The following SCUBE1 variants were observed in gnomAD, a reference collection of about 807,000 sequenced individuals.
SCUBE1 encodes signal peptide, CUB and EGF-like domain-containing protein 1.
A neutral mutation model predicts 124.4 loss-of-function variants in SCUBE1; 59 were observed. The ratio of observed to expected loss-of-function variants is 0.47; its 90% CI spans 0.38 to 0.59. The LOEUF (loss-of-function observed/expected upper bound fraction) is 0.59. Among genes scored for constraint, SCUBE1 ranks in the 20% least tolerant of loss-of-function variants. The pLI is 0.00. For synonymous variants in SCUBE1, 545 were observed against 550.9 expected (o/e 0.99, Z 0.15); for missense variants, 1,150 against 1,371.2 (o/e 0.84, Z 2.55).
chr22:43,227,866 A>G (rs149844520), intron 9 of SCUBE1, among the ~76,000 whole-genome samples: 1 of 152,290 alleles, frequency 6.6e-6, no homozygotes, highest in Non-Finnish European at 1.5e-5. Flanking sequence ...GACTCTGGAC[A>G]AGCCCTTTTC....
At chr22:43,229,359 T>C (rs1459604531) in intron 8 of SCUBE1, among the ~76,000 whole-genome samples, 171 bp from the exon 9 acceptor site, 1 of 152,176 alleles carries the variant, frequency 6.6e-6, no homozygotes, top group African/African-American at 2.4e-5. Flanking sequence ...CTGCTCGACT[T>C]TCCATTGTGT....
Position 43,198,297 on chromosome 22 carries a change from T to C in SCUBE1, c.*5700A>G, listed in dbSNP as rs938347525. The C allele has an allele frequency of 2.8e-5, 9 of 322,762 alleles. No homozygotes were observed. Among genetic ancestry groups the C allele is most frequent in the Non-Finnish European group, 4.9e-5 (8 of 161,756 alleles). 20.0% of individuals were successfully genotyped at this position (322,762 alleles called of 1,614,324 possible). A position where few individuals can be genotyped will look rare whatever the true frequency, so the allele number is the denominator to read the frequency against. ...GCTCACTCAGGGGCTCTGAGTGGCA[T>C]GGTGCAGCAGGGGACTGGAGAGGCC... is the stretch of plus-strand genomic sequence containing the variant. On this transcript the variant is annotated 3_prime_UTR_variant, in exon 22 of 22. Coordinates refer to ENST00000360835, the MANE Select transcript of SCUBE1 (RefSeq NM_173050.5).
rs1351436513 is a variant in SCUBE1 at position 43,218,292 on chromosome 22, T to C, written c.1854A>G (p.Ala618=). The part of the protein sequence containing the change: ...RPAKALEGQG[A]CGAGQVLQDS... ...CCTGTAGCACCTGGCCTGCGCCACA[T>C]GCCCCCTGCCCCTCCAGCGCCTTGG... Residue 618 remains alanine (A), a synonymous_variant, in exon 15 of 22, where the codon GCA becomes GCG. Transcript: ENST00000360835. The C allele has an allele frequency of 1.9e-6, 3 of 1,613,082 alleles. No homozygotes were observed. Among genetic ancestry groups the C allele is most frequent in the South Asian group, 2.2e-5 (2 of 91,086 alleles).
intron 7 of SCUBE1, chr22:43,238,064 C>T (rs938700869): frequency 1.3e-5 from 2 of 152,662 alleles, no homozygotes; most frequent in East Asian, 3.9e-4. Context: ...AGAGCCCACC[C>T]AGCTCTCCTC....
chr22:43,313,018 C>T (rs2146776836), intron 3 of SCUBE1, among the ~76,000 whole-genome samples: 1 of 152,266 alleles, frequency 6.6e-6, no homozygotes, highest in Middle Eastern at 3.4e-3. Flanking sequence ...TTGGGTAGGT[C>T]ACTTCCCCTC....
intron 14 of SCUBE1, 40 bp from the exon 15 acceptor site, chr22:43,218,498 C>T (rs745715507): frequency 6.3e-7 from 1 of 1,591,550 alleles, no homozygotes; most frequent in Admixed American, 1.7e-5. Flanking sequence ...TCGCTGGCAA[C>T]CTTGCTAGCC....
intron 4 of SCUBE1, among the ~76,000 whole-genome samples, chr22:43,272,890 TC>T (rs1161953859): frequency 6.6e-6 from 1 of 152,208 alleles, no homozygotes; most frequent in Non-Finnish European, 1.5e-5. Context: ...ACAGTGACTG[TC>T]CTGGGTCACG....
intron 4 of SCUBE1, among the ~76,000 whole-genome samples, chr22:43,266,280 C>T (rs77957164): frequency 2.2e-3 from 329 of 152,176 alleles, no homozygotes; most frequent in African/African-American, 7.4e-3. Context: ...GCTTCTGAGG[C>T]GCCTCCTCCC....
chr22:43,277,776 G>T (rs998880158), intron 4 of SCUBE1, among the ~76,000 whole-genome samples: 1 of 152,250 alleles, frequency 6.6e-6, no homozygotes, highest in Non-Finnish European at 1.5e-5. Context: ...TCTGGACCGG[G>T]CTCTACATGA....
rs530710902 is a variant in SCUBE1 at position 43,331,955 on chromosome 22, G to A, written c.220+7149C>T. ...GGTAGGAACAAGCTGGCAAGTTTGA[G>A]GAACTAAAAAAAGACAGTGAGGCTG... On this transcript the variant is annotated intron_variant, in intron 2 of 21. Transcript: ENST00000360835. 7.9e-5 allele frequency among the ~76,000 whole-genome samples: 12 copies of A among 152,256 alleles called. No homozygotes were observed. The South Asian group carries it at 2.3e-3, about 29-fold the overall frequency.
At chr22:43,232,348 G>A (rs1312215419) in intron 7 of SCUBE1, 2 of 162,532 alleles carry the variant, frequency 1.2e-5, no homozygotes, top group African/African-American at 2.4e-5. Context: ...GACAGGAAGT[G>A]CACCCATTTT....
At chr22:43,257,880 C>T (rs1184114116) in intron 6 of SCUBE1, among the ~76,000 whole-genome samples, 2 of 152,218 alleles carry the variant, frequency 1.3e-5, no homozygotes, top group Non-Finnish European at 2.9e-5. Context: ...ATACACCTCC[C>T]TTCTCCCCAC....
intron 6 of SCUBE1, among the ~76,000 whole-genome samples, chr22:43,252,636 G>C (rs1187379707): frequency 6.6e-6 from 1 of 152,184 alleles, no homozygotes; most frequent in African/African-American, 2.4e-5. Context: ...CACAGGCTCA[G>C]GATCTACTGG....
intron 6 of SCUBE1, among the ~76,000 whole-genome samples, chr22:43,246,423 C>T (rs944755678): frequency 2.6e-5 from 4 of 152,132 alleles, no homozygotes; most frequent in Non-Finnish European, 5.9e-5. Flanking sequence ...ACCAGGCGGA[C>T]CCTCCAGCTG....
In SCUBE1 at chr22:43,343,155, A is replaced by C. The variant is rs2146810627; in HGVS notation, c.88+19T>G. 2 of 1,136,916 alleles carry C rather than the reference A, an allele frequency of 1.8e-6. No homozygotes were observed. Among genetic ancestry groups the C allele is most frequent in the South Asian group, 4.1e-5 (1 of 24,654 alleles). 70.4% of individuals were successfully genotyped at this position (1,136,916 alleles called of 1,614,324 possible). On this transcript the variant is annotated intron_variant, in intron 1 of 21. Coordinates refer to ENST00000360835, the MANE Select transcript of SCUBE1 (RefSeq NM_173050.5). ...GAGCCCCCCGCGCCCGCCGCCCCCC[A>C]CCTCGGTCGGGGGCTTACCTGGGAG...
intron 4 of SCUBE1, among the ~76,000 whole-genome samples, chr22:43,286,626 T>C (rs1182553839): frequency 2.0e-5 from 3 of 152,126 alleles, no homozygotes; most frequent in Non-Finnish European, 4.4e-5. Context: ...ACCAAAGCCA[T>C]AGAATCCCCA....
At position 43,198,521 on chromosome 22, in the gene SCUBE1, G is replaced by A. The variant is rs1014057543; in HGVS notation, c.*5476C>T. 10 of 456,342 alleles carry A rather than the reference G, an allele frequency of 2.2e-5. No homozygotes were observed. Among genetic ancestry groups the A allele is most frequent in the Admixed American group, 9.4e-5 (4 of 42,560 alleles). The allele number at this position is 456,342 out of a possible 1,614,324, so 28.3% of individuals were successfully genotyped here. A position where few individuals can be genotyped will look rare whatever the true frequency, so the allele number is the denominator to read the frequency against. ...GGGTGCTGTGGGGGCAGAGGCAGCC[G>A]CGGTAGAATAGGAGGCGCTCTCTGC... On this transcript the variant is annotated 3_prime_UTR_variant, in exon 22 of 22. Coordinates refer to ENST00000360835, the MANE Select transcript of SCUBE1 (RefSeq NM_173050.5).
intron 11 of SCUBE1, 55 bp from the exon 12 acceptor site, chr22:43,222,797 T>C: frequency 2.2e-6 from 3 of 1,376,470 alleles, no homozygotes; most frequent in South Asian, 1.2e-5. Flanking sequence ...CCCACGGCCC[T>C]CAGATTCTTG....
intron 3 of SCUBE1, among the ~76,000 whole-genome samples, chr22:43,307,594 C>T (rs562172619): frequency 2.0e-5 from 3 of 152,314 alleles, no homozygotes; most frequent in African/African-American, 7.2e-5. Flanking sequence ...TCTGACCCAG[C>T]AGCCCAGCCA....
Sources: allele counts gnomAD v4.1 joint callset (sites outside exome capture counted in the v4.1 genomes callset), GRCh38; gene constraint gnomAD v4.1.1; transcripts MANE v1.5; gene names NCBI Gene and HGNC (gene_info 2026-07-23, HGNC 2026-07-21).